The following TLE4 variants were observed in gnomAD, a reference collection of about 807,000 sequenced individuals.
The protein encoded by TLE4 is transducin-like enhancer protein 4.
In TLE4, 8 loss-of-function variants were observed where a neutral mutation model predicts 92.8. The ratio of observed to expected loss-of-function variants is 0.09; its 90% CI spans 0.05 to 0.16. The LOEUF is 0.16. TLE4 is among the 10% of genes least tolerant of loss of function. TLE4 has a pLI of 1.00. For synonymous variants in TLE4, 371 were observed against 374.1 expected (o/e 0.99, Z 0.10); for missense variants, 675 against 997.6 (o/e 0.68, Z 4.36).
intron 7 of TLE4, 200 bp downstream of exon 7, chr9:79,652,994 C>T: frequency 1.4e-6 from 1 of 707,724 alleles, no homozygotes; most frequent in South Asian, 1.4e-5. Context: ...AACATACTCC[C>T]TAGAGGCAGA....
At chr9:79,686,889 G>A (rs2065973915) in intron 8 of TLE4, among the ~76,000 whole-genome samples, 1 of 152,242 alleles carries the variant, frequency 6.6e-6, no homozygotes, top group African/African-American at 2.4e-5. Context: ...CATCAGTGAA[G>A]TACTTGCTGT....
Position 79,576,146 on chromosome 9 carries a change from C to A in TLE4, c.221C>A (p.Ser74Tyr). 6.5e-7 allele frequency: 1 copy of A among 1,529,330 alleles called. No homozygotes were observed. Among genetic ancestry groups the A allele is most frequent in the Non-Finnish European group, 8.8e-7 (1 of 1,131,394 alleles). The allele number at this position is 1,529,330 out of a possible 1,614,324, so 94.7% of individuals were successfully genotyped here. A position where few individuals can be genotyped will look rare whatever the true frequency, so the allele number is the denominator to read the frequency against. ...QRHYVMYYEM[S>Y]YGLNIEMHKQ... ...CTTCTTTGACAGTATTATGAAATGTCCTATGGGTTGAATATAGAAATGCAC... is the reference window on the plus strand; with the variant it reads ...CTTCTTTGACAGTATTATGAAATGTACTATGGGTTGAATATAGAAATGCAC... The change falls in exon 4 of 20, where the codon TCC becomes TAC. Residue 74 changes from serine to tyrosine, a missense_variant. Physicochemically the swap from Ser to Tyr is moderately radical, Grantham distance 144 (BLOSUM62 -2). Around this residue, in one of 5 missense-constraint regions of TLE4, gnomAD observed 68 missense variants for 141.2 expected, o/e 0.48. Transcript: ENST00000376552.
intron 8 of TLE4, among the ~76,000 whole-genome samples, chr9:79,672,367 G>A (rs1466086585): frequency 6.6e-6 from 1 of 152,084 alleles, no homozygotes; most frequent in East Asian, 1.9e-4. Flanking sequence ...GCAGTGAGGG[G>A]CCCCTGAGCA....
intron 4 of TLE4, among the ~76,000 whole-genome samples, chr9:79,606,825 T>G (rs895833106): frequency 1.3e-5 from 2 of 152,160 alleles, no homozygotes; most frequent in African/African-American, 4.8e-5. Context: ...TGAATAGTGC[T>G]GCAGTAAACA....
At chr9:79,628,902 G>GTA (rs2053428307) in intron 6 of TLE4, among the ~76,000 whole-genome samples, 1 of 151,720 alleles carries the variant, frequency 6.6e-6, no homozygotes, top group Admixed American at 6.6e-5. Context: ...GTGTGTGTGT[G>GTA]TGTGTGTATA....
intron 8 of TLE4, among the ~76,000 whole-genome samples, chr9:79,701,683 A>G (rs1055420272): frequency 6.6e-6 from 1 of 152,180 alleles, no homozygotes; most frequent in Non-Finnish European, 1.5e-5. Flanking sequence ...CACAACACAA[A>G]TCTTACTCTA....
At chr9:79,618,703 G>A (rs996438697) in intron 5 of TLE4, among the ~76,000 whole-genome samples, 1 of 152,142 alleles carries the variant, frequency 6.6e-6, no homozygotes, top group African/African-American at 2.4e-5. Flanking sequence ...AAGCCGAGCT[G>A]CTCAGAGGCT....
chr9:79,636,353 T>G (rs1033576385), intron 6 of TLE4, among the ~76,000 whole-genome samples: 4 of 152,146 alleles, frequency 2.6e-5, no homozygotes, highest in African/African-American at 9.7e-5. Flanking sequence ...CCCTTTTATT[T>G]AGAAAAAGGT....
At chr9:79,687,212 C>T (rs183908786) in intron 8 of TLE4, among the ~76,000 whole-genome samples, 166 of 152,298 alleles carry the variant, frequency 1.1e-3, no homozygotes, top group African/African-American at 3.5e-3. Flanking sequence ...ATGCAACGAG[C>T]TCACCATGCT....
intron 8 of TLE4, among the ~76,000 whole-genome samples, chr9:79,686,040 A>T (rs1267857689): frequency 6.6e-6 from 1 of 152,192 alleles, no homozygotes; most frequent in Non-Finnish European, 1.5e-5. Context: ...AATAATAGAG[A>T]TGATTTAGTT....
At position 79,718,877 on chromosome 9, in the gene TLE4, C is replaced by T. The variant is rs199644566; in HGVS notation, c.1496C>T (p.Thr499Met). ...VVCAVTISNPTRHVYTGGKGC... is the reference protein window; with the variant it reads ...VVCAVTISNPMRHVYTGGKGC... The stretch of plus-strand genomic sequence containing the variant: ...TGCGCGGTGACCATCAGCAACCCCA[C>T]GAGACACGTGTACACGGGTGGGAAG... The change falls in exon 15 of 20, where the codon ACG (threonine) becomes ATG (methionine). Residue 499 changes from threonine to methionine, a missense_variant. By Grantham distance (81) the Thr-to-Met change is moderately conservative. Around this residue, in one of 5 missense-constraint regions of TLE4, gnomAD observed 170 missense variants for 359.6 expected, o/e 0.47. Transcript: ENST00000376552. 37 of 1,614,102 alleles carry T rather than the reference C, an allele frequency of 2.3e-5. No individual in the cohort carries two copies. The highest frequency in any genetic ancestry group is 4.4e-5 in the South Asian group (4 of 91,070).
At chr9:79,703,469 T>C (rs2070548547) in intron 8 of TLE4, among the ~76,000 whole-genome samples, 1 of 152,248 alleles carries the variant, frequency 6.6e-6, no homozygotes, top group Admixed American at 6.5e-5. Context: ...CAGTTTTCAT[T>C]GGCACTTTTT....
At chr9:79,643,780 C>T (rs955300293) in intron 6 of TLE4, among the ~76,000 whole-genome samples, 2 of 152,148 alleles carry the variant, frequency 1.3e-5, no homozygotes. Context: ...CAACTTTTTA[C>T]CCAGTGGTTG....
chr9:79,577,240 C>CT (rs1209147379), intron 4 of TLE4, among the ~76,000 whole-genome samples: 1 of 151,954 alleles, frequency 6.6e-6, no homozygotes, highest in Non-Finnish European at 1.5e-5. Context: ...TTATGGATTC[C>CT]TTTTTGGGTA....
Position 79,721,725 on chromosome 9 carries a change from A to G in TLE4, c.1839-16A>G. On this transcript the variant is annotated splice_polypyrimidine_tract_variant and intron_variant, in intron 16 of 19. Coordinates refer to ENST00000376552, the MANE Select transcript of TLE4 (RefSeq NM_007005.6). ...CTAACTTTTCAAGGGCTTTCCCTCC[A>G]TTTTGACATTTTCAGGCAATTCCAG... 1 of 1,613,734 alleles carries G rather than the reference A, an allele frequency of 6.2e-7. No individual in the cohort carries two copies. Among genetic ancestry groups the G allele is most frequent in the Non-Finnish European group, 8.5e-7 (1 of 1,179,910 alleles).
chr9:79,592,809 A>G (rs929207905), intron 4 of TLE4, among the ~76,000 whole-genome samples: 3 of 152,122 alleles, frequency 2.0e-5, no homozygotes, highest in African/African-American at 7.2e-5. Context: ...ACAACTCTGG[A>G]TATCAGTGAT....
At chr9:79,649,113 T>G (rs2058531279) in intron 6 of TLE4, among the ~76,000 whole-genome samples, 1 of 152,120 alleles carries the variant, frequency 6.6e-6, no homozygotes, top group Non-Finnish European at 1.5e-5. Context: ...TGAGTGGTCC[T>G]CGGTTTTATA....
intron 8 of TLE4, among the ~76,000 whole-genome samples, chr9:79,698,252 A>G (rs1057366708): frequency 1.3e-5 from 2 of 152,308 alleles, no homozygotes; most frequent in Admixed American, 1.3e-4. Context: ...TAGCATAACC[A>G]TTGTAGACAC....
intron 1 of TLE4, 200 bp from the exon 2 acceptor site, chr9:79,573,489 G>C: frequency 1.1e-6 from 1 of 934,718 alleles, no homozygotes; most frequent in Non-Finnish European, 1.4e-6. Flanking sequence ...GGGAGTATGC[G>C]GGGCCCCAGG....
Sources: gnomAD v4.1 joint callset for allele counts (sites outside exome capture counted in the v4.1 genomes callset) on GRCh38, gnomAD v4.1.1 for gene constraint, gnomAD v4.1.1 regional missense constraint, MANE v1.5 for transcripts, NCBI Gene and HGNC (gene_info 2026-07-23, HGNC 2026-07-21) for gene names.